The following SCAMP4 variants were observed in gnomAD, a reference collection of about 807,000 sequenced individuals.
The protein encoded by SCAMP4 is secretory carrier-associated membrane protein 4.
Under a neutral mutation model 32.1 loss-of-function variants are expected in SCAMP4, and 19 were observed. The observed-to-expected ratio is 0.59, with a 90% CI of 0.41 to 0.87. The LOEUF is 0.87. Among genes scored for constraint, SCAMP4 ranks in the 40% least tolerant of loss-of-function variants. The pLI, the probability that SCAMP4 is intolerant of heterozygous loss-of-function variation, is 0.00. For synonymous variants in SCAMP4, 152 were observed against 132.7 expected, an observed-to-expected ratio of 1.15 and a Z score of -1.00; for missense variants, 302 against 309.0, an observed-to-expected ratio of 0.98 and a Z score of 0.17.
At chr19:1,921,979 C>CT (rs1343698214) in intron 5 of SCAMP4, 1 of 985,390 alleles carries the variant, frequency 1.0e-6, no homozygotes, top group East Asian at 1.1e-4. Flanking sequence ...TGTGCATAAG[C>CT]TCCCCGGACA....
rs755491217 is a variant in SCAMP4, at chr19:1,924,763, G to A, written c.*479G>A. 4.5e-4 allele frequency: 87 copies of A among 195,446 alleles called. No homozygotes were observed. The highest frequency in any genetic ancestry group is 1.7e-3 in the African/African-American group (73 of 44,086). The allele number at this position is 195,446 out of a possible 1,614,324, so 12.1% of individuals were successfully genotyped here. The stretch of plus-strand genomic sequence containing the variant: ...TTGGCCGGAACTAATAAGAGGCGTC[G>A]GGGCCAGCTTCCGGTCCCCTGCAGT... On this transcript the variant is annotated 3_prime_UTR_variant, in exon 7 of 7. Coordinates refer to ENST00000316097, the MANE Select transcript of SCAMP4 (RefSeq NM_079834.4).
intron 4 of SCAMP4, chr19:1,918,539 A>AT (rs1227973275): frequency 3.8e-6 from 2 of 526,190 alleles, no homozygotes; most frequent in Non-Finnish European, 6.6e-6. Context: ...AGGCAGGCGG[A>AT]TCACCTGAGG....
At chr19:1,914,547 G>A in intron 1 of SCAMP4, 2 of 221,888 alleles carry the variant, frequency 9.0e-6, no homozygotes, top group East Asian at 1.2e-4. Context: ...CAGGCCAGGT[G>A]GGGCTGCTCT....
Position 1,924,385 on chromosome 19 carries a change from C to G in SCAMP4, c.*101C>G, listed in dbSNP as rs1012463640. On this transcript the variant is annotated 3_prime_UTR_variant, in exon 7 of 7. Transcript: ENST00000316097. ...GGGAGTACCTGGGGCCCCATCCCCC[C>G]AGCTGGGATGGTGGAAGCCGGTGGT... The G allele has an allele frequency of 9.0e-6, 10 of 1,110,150 alleles. No individual in the cohort carries two copies. The African/African-American group carries it at 9.3e-5, about 10-fold the overall frequency. 68.8% of individuals were successfully genotyped at this position (1,110,150 alleles called of 1,614,324 possible). A position where few individuals can be genotyped will look rare whatever the true frequency, so the allele number is the denominator to read the frequency against.
rs766128173 is a variant in SCAMP4, at chr19:1,908,487, C to T, written c.-42+3048C>T. 30 of 470,846 alleles carry T rather than the reference C, an allele frequency of 6.4e-5. No individual in the cohort carries two copies. The highest frequency in any genetic ancestry group is 6.5e-4 in the Middle Eastern group (2 of 3,056). The allele number at this position is 470,846 out of a possible 1,614,324, so 29.2% of individuals were successfully genotyped here. On this transcript the variant is annotated intron_variant, in intron 1 of 6. Coordinates refer to ENST00000316097, the MANE Select transcript of SCAMP4 (RefSeq NM_079834.4). This position sits in a 1 kb window ranked among gnomAD's most constrained non-coding sequence, Gnocchi z 4.2. ...TGATCCAGAGACACATCCCTGTCTG[C>T]GGGAGGAGCCGTCCATACCAGCGGG...
chr19:1,909,096 C>G (rs1248066219), intron 1 of SCAMP4, among the ~76,000 whole-genome samples: 3 of 145,588 alleles, frequency 2.1e-5, no homozygotes, highest in Non-Finnish European at 4.5e-5. Context: ...CAGAGTGAGA[C>G]TCTGTCTGAA....
rs543112340 is a variant in SCAMP4 at position 1,920,895 on chromosome 19, G to T, written c.395+1905G>T. 11 of 985,284 alleles carry T rather than the reference G, an allele frequency of 1.1e-5. No homozygotes were observed. The East Asian group carries it at 1.0e-3, about 92-fold the overall frequency. The allele number at this position is 985,284 out of a possible 1,614,324, so 61.0% of individuals were successfully genotyped here. On this transcript the variant is annotated intron_variant, in intron 5 of 6. Transcript: ENST00000316097. ...CCCTCAGAGACCTCCCTGCCCCCTC[G>T]GCCCTCGTGCACGTGCGGCAGCAGC...
chr19:1,919,277 T>A, intron 5 of SCAMP4: 1 of 1,283,472 alleles, frequency 7.8e-7, no homozygotes, highest in South Asian at 1.7e-5. Flanking sequence ...GCTTGTCTCC[T>A]GAGTGTTGAT....
chr19:1,924,154 A>G lies in SCAMP4; in HGVS notation c.560A>G (p.Gln187Arg). 6.2e-7 allele frequency: 1 copy of G among 1,611,928 alleles called. No homozygotes were observed. The highest frequency in any genetic ancestry group is 8.5e-7 in the Non-Finnish European group (1 of 1,179,150). ...RGAGGSFQKAQTEWNTGTWRN... is the reference protein window; with the variant it reads ...RGAGGSFQKARTEWNTGTWRN... ...GCTGGCGGAAGCTTCCAGAAGGCAC[A>G]GACGGAGTGGAACACGGGCACTTGG... Residue 187 changes from glutamine (Q) to arginine (R), a missense_variant, in exon 7 of 7, where the codon CAG becomes CGG. Physicochemically the swap from Gln to Arg is conservative, Grantham distance 43 (BLOSUM62 1). Transcript: ENST00000316097.
intron 6 of SCAMP4, among the ~76,000 whole-genome samples, chr19:1,923,533 G>T (rs72977626): frequency 6.6e-6 from 1 of 151,514 alleles, no homozygotes; most frequent in Non-Finnish European, 1.5e-5. Context: ...CCCCTTGCAG[G>T]TTCCCGGTCA....
chr19:1,907,006 T>G (rs2013159675), intron 1 of SCAMP4: 1 of 151,592 alleles, frequency 6.6e-6, no homozygotes, highest in Non-Finnish European at 1.5e-5. Flanking sequence ...ACCAATATGG[T>G]GAAATCCCAC....
intron 5 of SCAMP4, chr19:1,920,100 T>A (rs1455533472): frequency 1.0e-6 from 1 of 984,464 alleles, no homozygotes. Context: ...CGTGAGCCAC[T>A]GTGCCTGGCC....
rs746742994 is a variant in SCAMP4 at position 1,912,298 on chromosome 19, C to G, written c.-41-2681C>G. On this transcript the variant is annotated intron_variant, in intron 1 of 6. Coordinates refer to ENST00000316097, the MANE Select transcript of SCAMP4 (RefSeq NM_079834.4). ...CTGAAGGAGGTGTCGGCCCTGCACC[C>G]GCTCCCCGCCCAGCCTCACCTCAAG... 380 of 1,564,890 alleles carry G rather than the reference C, an allele frequency of 2.4e-4. No homozygotes were observed. Among genetic ancestry groups the G allele is most frequent in the Non-Finnish European group, 3.1e-4 (362 of 1,161,226 alleles).
intron 5 of SCAMP4, chr19:1,921,938 G>A (rs1021260501): frequency 1.6e-5 from 16 of 985,388 alleles, no homozygotes; most frequent in South Asian, 9.4e-5. Flanking sequence ...GGGGTACCGC[G>A]TGTGCGTGCA....
chr19:1,918,733 G>A, intron 4 of SCAMP4, 156 bp from the exon 5 acceptor site: 1 of 1,194,848 alleles, frequency 8.4e-7, no homozygotes, highest in African/African-American at 1.6e-5. Context: ...CTGCTCTCCA[G>A]CCTGGGCGAC....
chr19:1,908,875 A>G lies in SCAMP4; in HGVS notation c.-42+3436A>G, dbSNP rs1409030324. Among the ~76,000 whole-genome samples the G allele has an allele frequency of 6.6e-6, 1 of 151,618 alleles. No homozygotes were observed. Among genetic ancestry groups the G allele is most frequent in the African/African-American group, 2.4e-5 (1 of 41,224 alleles). On this transcript the variant is annotated intron_variant, in intron 1 of 6. Coordinates refer to ENST00000316097, the MANE Select transcript of SCAMP4 (RefSeq NM_079834.4). The surrounding 1 kb of genome is among the most constrained non-coding windows in gnomAD (Gnocchi z 4.2). ...TCCCAGCACTTTGGGAGGCTGAGGC[A>G]GGTGGATCACCTGAGGTCAGGAGTT...
intron 1 of SCAMP4, among the ~76,000 whole-genome samples, chr19:1,907,792 G>A (rs1380833150): frequency 3.3e-5 from 5 of 152,172 alleles, no homozygotes; most frequent in East Asian, 1.9e-4. Context: ...GTGTGGTAGA[G>A]GGAGGGTCAG....
intron 2 of SCAMP4, chr19:1,915,350 T>G: frequency 2.3e-6 from 1 of 443,020 alleles, no homozygotes; most frequent in Non-Finnish European, 4.1e-6. Flanking sequence ...ACCCACTCAT[T>G]TACTGGCAGC....
chr19:1,909,670 G>A (rs938478793), intron 1 of SCAMP4, among the ~76,000 whole-genome samples: 5 of 152,318 alleles, frequency 3.3e-5, no homozygotes, highest in Admixed American at 1.3e-4. Flanking sequence ...CCCGAGAGCC[G>A]CCTTGGCACA....
Sources: gnomAD v4.1 joint callset for allele counts (sites outside exome capture counted in the v4.1 genomes callset) on GRCh38, gnomAD v4.1.1 for gene constraint, Gnocchi (gnomAD v3.1) non-coding constraint, MANE v1.5 for transcripts, NCBI Gene and HGNC (gene_info 2026-07-23, HGNC 2026-07-21) for gene names.